DYNC1I2: variants seen among roughly 807,000 people sequenced by gnomAD.
The protein encoded by DYNC1I2 is cytoplasmic dynein 1 intermediate chain 2.
In DYNC1I2, 53 loss-of-function variants were observed where a neutral mutation model predicts 88.6. The observed-to-expected ratio is 0.60, with a 90% CI of 0.48 to 0.75. The LOEUF (loss-of-function observed/expected upper bound fraction) is 0.75, where lower values mean the gene tolerates loss of function less well. Ranked by LOEUF, DYNC1I2 falls within the 30% of genes least tolerant of loss-of-function variation. The pLI is 0.00. For missense variants in DYNC1I2, 458 were observed against 766.6 expected (o/e 0.60, Z 4.75); for synonymous variants, 198 against 254.6 (o/e 0.78, Z 2.12).
At chr2:171,746,403 A>G (rs1274529287) in intron 17 of DYNC1I2, among the ~76,000 whole-genome samples, 3 of 152,230 alleles carry the variant, frequency 2.0e-5, no homozygotes, top group Admixed American at 2.0e-4. Context: ...GGAATCCAAT[A>G]GGATGAGCTG....
Position 171,691,922 on chromosome 2 carries a change from A to G in DYNC1I2, c.109-855A>G, listed in dbSNP as rs560577195. Among the ~76,000 whole-genome samples the G allele has an allele frequency of 5.3e-5, 8 of 152,320 alleles. No individual in the cohort carries two copies. The South Asian group carries it at 1.7e-3, about 32-fold the overall frequency. ...ACTGTGAGTCTATTAATATATTTTT[A>G]TCAACAGTGAAGCATCAGCTTGATA... On this transcript the variant is annotated intron_variant, in intron 2 of 17. Transcript: ENST00000397119.
In DYNC1I2 at chr2:171,727,817, G is replaced by A. The variant is rs750345236; in HGVS notation, c.997-4G>A. The A allele has an allele frequency of 6.2e-7, 1 of 1,608,512 alleles. No individual in the cohort carries two copies. Among genetic ancestry groups the A allele is most frequent in the Non-Finnish European group, 8.5e-7 (1 of 1,177,892 alleles). On this transcript the variant is annotated splice_polypyrimidine_tract_variant and splice_region_variant and intron_variant, in intron 11 of 17. Transcript: ENST00000397119. ...TCAAGTATAAAAATCTTACTTATTT[G>A]CAGTCAGCTGTGATGTCTGCCACAT...
At chr2:171,747,460 T>G (rs1689877288) in intron 17 of DYNC1I2, among the ~76,000 whole-genome samples, 1 of 151,982 alleles carries the variant, frequency 6.6e-6, no homozygotes, top group Admixed American at 6.6e-5. Flanking sequence ...AAAAAAAATT[T>G]TAAGGAATTC....
intron 16 of DYNC1I2, 74 bp downstream of exon 16, chr2:171,744,263 C>T: frequency 6.9e-7 from 1 of 1,458,758 alleles, no homozygotes; most frequent in Admixed American, 2.4e-5. Context: ...TGTGAAATTC[C>T]TTTTTTTCCA....
chr2:171,705,557 G>A (rs1398705006), intron 3 of DYNC1I2, among the ~76,000 whole-genome samples: 3 of 152,008 alleles, frequency 2.0e-5, no homozygotes, highest in African/African-American at 4.8e-5. Context: ...ATTTATTTGT[G>A]TTTACAGCAC....
Position 171,727,691 on chromosome 2 carries a change from C to T in DYNC1I2, c.997-130C>T, listed in dbSNP as rs554013904. On this transcript the variant is annotated intron_variant, in intron 11 of 17. Coordinates refer to ENST00000397119, the MANE Select transcript of DYNC1I2 (RefSeq NM_001378.3). ...ACAGTGAAAACTTTTAATTAATTTA[C>T]TTAGTTGTTTTTATAACCTCTAATA... The T allele has an allele frequency of 3.8e-5, 24 of 637,844 alleles. No homozygotes were observed. In the South Asian group the frequency reaches 8.1e-4, roughly 21 times the overall value. The allele number at this position is 637,844 out of a possible 1,614,324, so 39.5% of individuals were successfully genotyped here. A position where few individuals can be genotyped will look rare whatever the true frequency, so the allele number is the denominator to read the frequency against.
At chr2:171,720,439 G>A (rs967844483) in intron 7 of DYNC1I2, among the ~76,000 whole-genome samples, 4 of 152,090 alleles carry the variant, frequency 2.6e-5, no homozygotes, top group South Asian at 2.1e-4. Context: ...ATGCCTTCTG[G>A]TTAATACATC....
In DYNC1I2 at chr2:171,707,161, G is replaced by T. The variant is rs74744991; in HGVS notation, c.245-126G>T. 1,774 of 1,363,740 alleles carry T rather than the reference G, an allele frequency of 1.3e-3. 26 individuals are homozygous for T. In the African/African-American group the frequency reaches 0.022, roughly 17 times the overall value. 84.5% of individuals were successfully genotyped at this position (1,363,740 alleles called of 1,614,324 possible). On this transcript the variant is annotated intron_variant, in intron 4 of 17. Coordinates refer to ENST00000397119, the MANE Select transcript of DYNC1I2 (RefSeq NM_001378.3). ...TGTTCATTTTCATTCATATATTTTTGATTTTTGGTTTGCCATTGTTTTTTT... is the reference window on the plus strand; with the variant it reads ...TGTTCATTTTCATTCATATATTTTTTATTTTTGGTTTGCCATTGTTTTTTT...
chr2:171,727,337 G>A (rs1188818582), intron 11 of DYNC1I2, among the ~76,000 whole-genome samples: 1 of 152,168 alleles, frequency 6.6e-6, no homozygotes, highest in Non-Finnish European at 1.5e-5. Context: ...AGAAACATAT[G>A]GTTGAAGTAG....
intron 17 of DYNC1I2, among the ~76,000 whole-genome samples, chr2:171,747,340 A>G (rs1689866612): frequency 2.0e-5 from 3 of 151,796 alleles, no homozygotes; most frequent in South Asian, 4.2e-4. Flanking sequence ...TTAAGGTATC[A>G]AGAAAGATTA....
chr2:171,739,683 G>A (rs943854423), intron 15 of DYNC1I2, among the ~76,000 whole-genome samples: 19 of 145,230 alleles, frequency 1.3e-4, no homozygotes, highest in Middle Eastern at 3.6e-3. Context: ...ATCCATTTGC[G>A]ATTGACATAT....
intron 15 of DYNC1I2, among the ~76,000 whole-genome samples, chr2:171,743,329 CA>C (rs1313970483): frequency 6.6e-6 from 1 of 152,102 alleles, no homozygotes; most frequent in Non-Finnish European, 1.5e-5. Context: ...TGTGCTGTCC[CA>C]GGGGTGGCAG....
chr2:171,742,444 T>C (rs1369126935), intron 15 of DYNC1I2, among the ~76,000 whole-genome samples: 1 of 152,214 alleles, frequency 6.6e-6, no homozygotes. Flanking sequence ...AGTGCTGGGA[T>C]TACAGGCATG....
chr2:171,733,459 C>CTTTTTTTTTTGTTTT (rs1688766007), intron 15 of DYNC1I2, among the ~76,000 whole-genome samples: 2 of 55,772 alleles, frequency 3.6e-5, no homozygotes. Flanking sequence ...TTGCCAGCAT[C>CTTTTTTTTTTGTTTT]TTTTTTTTTT....
At chr2:171,702,431 C>G (rs573833273) in intron 3 of DYNC1I2, among the ~76,000 whole-genome samples, 3 of 152,216 alleles carry the variant, frequency 2.0e-5, no homozygotes, top group East Asian at 1.9e-4. Context: ...GTAATTTGGC[C>G]TGAAAAATAC....
intron 15 of DYNC1I2, among the ~76,000 whole-genome samples, chr2:171,741,596 G>A (rs1689430934): frequency 6.6e-6 from 1 of 152,088 alleles, no homozygotes; most frequent in Non-Finnish European, 1.5e-5. Flanking sequence ...TACATGGTTT[G>A]CAAATATTTT....
chr2:171,743,645 C>G (rs73976509), intron 15 of DYNC1I2, among the ~76,000 whole-genome samples: 1 of 152,200 alleles, frequency 6.6e-6, no homozygotes. Flanking sequence ...TCTCCTGATT[C>G]TGCTGTAGAT....
At chr2:171,708,224 A>C (rs994074897) in intron 5 of DYNC1I2, among the ~76,000 whole-genome samples, 5 of 152,186 alleles carry the variant, frequency 3.3e-5, no homozygotes, top group Admixed American at 2.0e-4. Context: ...AAAATCTCTT[A>C]ACACACCTTT....
At chr2:171,707,521 G>A (rs1244472400) in intron 5 of DYNC1I2, 144 bp downstream of exon 5, 8 of 603,104 alleles carry the variant, frequency 1.3e-5, no homozygotes, top group Non-Finnish European at 1.8e-5. Context: ...ATTCTCTGTT[G>A]GACACTGGGA....
Sources: allele counts gnomAD v4.1 joint callset (sites outside exome capture counted in the v4.1 genomes callset), GRCh38; gene constraint gnomAD v4.1.1; transcripts MANE v1.5; gene names NCBI Gene and HGNC (gene_info 2026-07-23, HGNC 2026-07-21).